Variants in ERH observed in about 807,000 individuals in gnomAD.
The protein encoded by ERH is enhancer of rudimentary homolog.
A neutral mutation model predicts 16.8 loss-of-function variants in ERH; 1 was observed. That is an observed-to-expected ratio of 0.06 (90% CI 0.02 to 0.28). The LOEUF (loss-of-function observed/expected upper bound fraction) is 0.28, where lower values mean the gene tolerates loss of function less well. ERH is among the 10% of genes least tolerant of loss of function. The pLI, the probability that ERH is intolerant of heterozygous loss-of-function variation, is 1.00. For missense variants in ERH, 42 were observed against 127.5 expected, an observed-to-expected ratio of 0.33 and a Z score of 3.23; for synonymous variants, 43 against 43.6, an observed-to-expected ratio of 0.99 and a Z score of 0.05.
At position 69,380,529 on chromosome 14, in the gene ERH, CCA is replaced by C; in HGVS notation, c.*7_*8del. ...GCCCACCCCAACCCCCCCAGTGCTT[CCA>C]ACACAATTATTTCCCAGCCTGTTGG... On this transcript the variant is annotated 3_prime_UTR_variant, in exon 4 of 4. Transcript: ENST00000557016. 9.2e-7 allele frequency: 1 copy of C among 1,083,018 alleles called. No homozygotes were observed. The highest frequency in any genetic ancestry group is 1.4e-6 in the Non-Finnish European group (1 of 715,326). The allele number at this position is 1,083,018 out of a possible 1,614,324, so 67.1% of individuals were successfully genotyped here.
chr14:69,385,432 A>AT (rs1295480073), intron 3 of ERH, among the ~76,000 whole-genome samples: 1 of 152,126 alleles, frequency 6.6e-6, no homozygotes, highest in Non-Finnish European at 1.5e-5. Flanking sequence ...CATACAGAAG[A>AT]TAATTCCCCC....
chr14:69,383,135 T>A (rs2045872641), intron 3 of ERH, among the ~76,000 whole-genome samples: 1 of 152,230 alleles, frequency 6.6e-6, no homozygotes, highest in Non-Finnish European at 1.5e-5. Flanking sequence ...GGCATTATTT[T>A]CATCTTACAA....
intron 2 of ERH, among the ~76,000 whole-genome samples, chr14:69,393,089 G>A (rs1882253114): frequency 6.6e-6 from 1 of 152,208 alleles, no homozygotes; most frequent in East Asian, 1.9e-4. Flanking sequence ...AGCCGAGGTG[G>A]GTGGATCACT....
At chr14:69,398,100 C>T in intron 1 of ERH, 131 bp downstream of exon 1, 2 of 1,166,890 alleles carry the variant, frequency 1.7e-6, no homozygotes, top group Non-Finnish European at 2.5e-6. Flanking sequence ...AAGGGTCAAT[C>T]CACCGACTAG....
At chr14:69,389,535 A>G (rs1035825794) in intron 2 of ERH, among the ~76,000 whole-genome samples, 1 of 152,224 alleles carries the variant, frequency 6.6e-6, no homozygotes, top group African/African-American at 2.4e-5. Flanking sequence ...TACAGATATA[A>G]AATCCTAAGG....
At position 69,391,654 on chromosome 14, in the gene ERH, C is replaced by CAAAAA. The variant is rs58399149; in HGVS notation, c.91+3166_91+3170dup. On this transcript the variant is annotated intron_variant, in intron 2 of 3. Transcript: ENST00000557016. ...CAGAGTAAGACTCTGTCTCGCACGCCAAAAAAAAAAAAAAAAAAAAAAAAA... is the reference window on the plus strand; with the variant it reads ...CAGAGTAAGACTCTGTCTCGCACGCCAAAAAAAAAAAAAAAAAAAAAAAAAAAAAA... 2.3e-4 allele frequency among the ~76,000 whole-genome samples: 5 copies of CAAAAA among 21,944 alleles called. 1 individual carries two copies. The highest frequency in any genetic ancestry group is 4.9e-4 in the Non-Finnish European group (5 of 10,290). The allele number at this position is 21,944 out of a possible 152,430, so 14.4% of individuals were successfully genotyped here. A position where few individuals can be genotyped will look rare whatever the true frequency, so the allele number is the denominator to read the frequency against.
chr14:69,387,712 T>C (rs1032531781), intron 2 of ERH, among the ~76,000 whole-genome samples: 4 of 61,812 alleles, frequency 6.5e-5, no homozygotes, highest in African/African-American at 3.4e-4. Flanking sequence ...AAAAAAAAAA[T>C]TGGCAACAAG....
At chr14:69,381,260 C>T (rs922114074) in intron 3 of ERH, among the ~76,000 whole-genome samples, 4 of 151,934 alleles carry the variant, frequency 2.6e-5, no homozygotes, top group Non-Finnish European at 5.9e-5. Flanking sequence ...AGTGAGACTC[C>T]ATCTCAAAAA....
rs955122179 is a variant in ERH, at chr14:69,397,416, C to T, written c.3+815G>A. Among the ~76,000 whole-genome samples the T allele has an allele frequency of 2.0e-5, 3 of 148,780 alleles. No homozygotes were observed. In the Admixed American group the frequency reaches 2.0e-4, roughly 10 times the overall value. Reference sequence around the variant, plus strand: ...AAGTACAGGATCGAGGGCTGAGGGACGCGCCACACGCAATACCTAGAGGTC... The same window carrying T: ...AAGTACAGGATCGAGGGCTGAGGGATGCGCCACACGCAATACCTAGAGGTC... On this transcript the variant is annotated intron_variant, in intron 1 of 3. Coordinates refer to ENST00000557016, the MANE Select transcript of ERH (RefSeq NM_004450.3).
At chr14:69,389,187 C>T (rs34864264) in intron 2 of ERH, among the ~76,000 whole-genome samples, 19,074 of 152,018 alleles carry the variant, frequency 0.13, 1,316 homozygotes, top group East Asian at 0.18. Context: ...CCACCACACC[C>T]GGCTAATTTT....
intron 3 of ERH, among the ~76,000 whole-genome samples, chr14:69,382,696 G>C (rs1375424244): frequency 2.0e-5 from 3 of 151,718 alleles, no homozygotes; most frequent in African/African-American, 7.3e-5. Context: ...AAAATTAGCT[G>C]GGCGTGGTGG....
intron 3 of ERH, among the ~76,000 whole-genome samples, chr14:69,385,194 T>C (rs1338087599): frequency 6.6e-6 from 1 of 152,180 alleles, no homozygotes; most frequent in Non-Finnish European, 1.5e-5. Context: ...TCCTCACCTG[T>C]AACCATCCAG....
chr14:69,386,587 C>A (rs1045372623), intron 3 of ERH: 29 of 159,932 alleles, frequency 1.8e-4, no homozygotes, highest in Non-Finnish European at 9.5e-5. Flanking sequence ...TTCAGCTATA[C>A]GCATATTTAA....
chr14:69,396,944 A>C (rs1326228142), intron 1 of ERH, among the ~76,000 whole-genome samples: 1 of 152,246 alleles, frequency 6.6e-6, no homozygotes, highest in Non-Finnish European at 1.5e-5. Context: ...AACCACGTGC[A>C]TTCTTGCAAC....
rs200850972 is a variant in ERH at position 69,398,220 on chromosome 14, G to C, written c.3+11C>G. 3 of 1,614,060 alleles carry C rather than the reference G, an allele frequency of 1.9e-6. No homozygotes were observed. Among genetic ancestry groups the C allele is most frequent in the Non-Finnish European group, 2.5e-6 (3 of 1,180,014 alleles). ...GACTCGGACTCGGGTAGCCGCGGAG[G>C]CCTTTCTCACCATCGCGCCAAACTC... On this transcript the variant is annotated intron_variant, in intron 1 of 3. Coordinates refer to ENST00000557016, the MANE Select transcript of ERH (RefSeq NM_004450.3).
intron 3 of ERH, among the ~76,000 whole-genome samples, chr14:69,382,244 T>A (rs1172867903): frequency 1.3e-5 from 2 of 152,214 alleles, no homozygotes; most frequent in Non-Finnish European, 2.9e-5. Context: ...TGTACAAGAT[T>A]CCCATTTTTA....
intron 3 of ERH, among the ~76,000 whole-genome samples, chr14:69,381,699 T>C (rs1335015650): frequency 6.6e-6 from 1 of 151,936 alleles, no homozygotes; most frequent in East Asian, 1.9e-4. Flanking sequence ...CGACCCCTGC[T>C]TTTTTTTGAG....
chr14:69,386,104 G>C (rs2045890937), intron 3 of ERH, among the ~76,000 whole-genome samples: 1 of 152,192 alleles, frequency 6.6e-6, no homozygotes, highest in Non-Finnish European at 1.5e-5. Context: ...AGTGATCAAA[G>C]TGAAATGGCT....
rs200710714 is a variant in ERH at position 69,398,260 on chromosome 14, G to A, written c.-27C>T. 4 of 1,613,380 alleles carry A rather than the reference G, an allele frequency of 2.5e-6. No individual in the cohort carries two copies. Among genetic ancestry groups the A allele is most frequent in the South Asian group, 2.2e-5 (2 of 91,040 alleles). On this transcript the variant is annotated 5_prime_UTR_variant, in exon 1 of 4. Coordinates refer to ENST00000557016, the MANE Select transcript of ERH (RefSeq NM_004450.3). ...GCGCCAAACTCTCTTCGCTACAGCA[G>A]CTGCCGACACCGCCGCCGTTACACG...
Sources: gnomAD v4.1 joint callset for allele counts (sites outside exome capture counted in the v4.1 genomes callset) on GRCh38, gnomAD v4.1.1 for gene constraint, MANE v1.5 for transcripts, NCBI Gene and HGNC (gene_info 2026-07-23, HGNC 2026-07-21) for gene names.